KLHL1: variants seen among roughly 807,000 people sequenced by gnomAD.
KLHL1 encodes kelch like family member 1.
Under a neutral mutation model 77.7 loss-of-function variants are expected in KLHL1, and 47 were observed. That is an observed-to-expected ratio of 0.60 (90% CI 0.48 to 0.77). The LOEUF (loss-of-function observed/expected upper bound fraction) is 0.77. Among genes scored for constraint, KLHL1 ranks in the 30% least tolerant of loss-of-function variants. The pLI, the probability that KLHL1 is intolerant of heterozygous loss-of-function variation, is 0.00. For synonymous variants in KLHL1, 360 were observed against 325.2 expected, an observed-to-expected ratio of 1.11 and a Z score of -1.15; for missense variants, 925 against 910.8, an observed-to-expected ratio of 1.02 and a Z score of -0.20.
At chr13:69,827,785 T>C (rs940667516) in intron 6 of KLHL1, among the ~76,000 whole-genome samples, 6 of 148,402 alleles carry the variant, frequency 4.0e-5, no homozygotes, top group African/African-American at 1.5e-4. Context: ...ATTAACAGGT[T>C]AAATGTGAGC....
intron 4 of KLHL1, among the ~76,000 whole-genome samples, chr13:69,935,497 G>A (rs1883159022): frequency 6.6e-6 from 1 of 152,110 alleles, no homozygotes; most frequent in Middle Eastern, 3.2e-3. Context: ...TAAAAAAGGA[G>A]TGTAAGAGAA....
At chr13:69,970,413 T>C (rs1360900742) in intron 2 of KLHL1, among the ~76,000 whole-genome samples, 2 of 152,154 alleles carry the variant, frequency 1.3e-5, no homozygotes, top group African/African-American at 2.4e-5. Flanking sequence ...TTGTTTCCTA[T>C]ATCAAATATG....
chr13:69,710,275 A>C (rs879149842), intron 9 of KLHL1, among the ~76,000 whole-genome samples: 4 of 151,924 alleles, frequency 2.6e-5, no homozygotes, highest in African/African-American at 9.7e-5. Flanking sequence ...CTGCAATCAG[A>C]AATATATACA....
chr13:69,914,912 T>G (rs2138251401), intron 4 of KLHL1, among the ~76,000 whole-genome samples: 1 of 152,286 alleles, frequency 6.6e-6, no homozygotes, highest in Non-Finnish European at 1.5e-5. Context: ...GGTACTAACC[T>G]TAAGAGAAAG....
Position 69,849,258 on chromosome 13 carries a change from G to A in KLHL1, c.1228-10096C>T, listed in dbSNP as rs540926955. On this transcript the variant is annotated intron_variant, in intron 5 of 10. Coordinates refer to ENST00000377844, the MANE Select transcript of KLHL1 (RefSeq NM_020866.3). Reference sequence around the variant, plus strand: ...AACATCTTAATTCTTTCATGTTTAGGCTATATTTAAGAGTATACATTAGTT... The same window carrying A: ...AACATCTTAATTCTTTCATGTTTAGACTATATTTAAGAGTATACATTAGTT... 6.5e-4 allele frequency among the ~76,000 whole-genome samples: 98 copies of A among 151,474 alleles called. 3 individuals carry two copies. In the South Asian group the frequency reaches 8.1e-3, roughly 13 times the overall value.
At chr13:69,769,756 T>G (rs57740128) in intron 7 of KLHL1, among the ~76,000 whole-genome samples, 1,723 of 152,170 alleles carry the variant, frequency 0.011, 35 homozygotes, top group African/African-American at 0.039. Context: ...CTCCTTTTGT[T>G]GTTGAGAGCT....
intron 6 of KLHL1, among the ~76,000 whole-genome samples, chr13:69,811,447 C>T (rs1877876469): frequency 6.6e-6 from 1 of 151,340 alleles, no homozygotes; most frequent in South Asian, 2.1e-4. Context: ...GATAACAATC[C>T]TAAACAAACT....
chr13:69,995,390 T>C lies in KLHL1; in HGVS notation c.498-19588A>G, dbSNP rs572038039. Among the ~76,000 whole-genome samples, 10 of 152,274 alleles carry C rather than the reference T, an allele frequency of 6.6e-5. No homozygotes were observed. The South Asian group carries it at 1.9e-3, about 28-fold the overall frequency. On this transcript the variant is annotated intron_variant, in intron 1 of 10. Transcript: ENST00000377844. ...CTGAACAGTCCACTGAGTTATTACT[T>C]GGTCTATTTAATTAGAAAATGTATA...
At chr13:69,740,295 A>T in intron 8 of KLHL1, 99 bp downstream of exon 8, 1 of 854,770 alleles carries the variant, frequency 1.2e-6, no homozygotes, top group Non-Finnish European at 1.7e-6. Flanking sequence ...AAAATGTTTT[A>T]AAACAATTTT....
chr13:69,976,230 G>C (rs1593642390), intron 1 of KLHL1, among the ~76,000 whole-genome samples: 1 of 151,786 alleles, frequency 6.6e-6, no homozygotes, highest in African/African-American at 2.4e-5. Flanking sequence ...AGTAAATGTT[G>C]CCTTGCAGAA....
At chr13:69,818,176 C>A (rs1878194141) in intron 6 of KLHL1, among the ~76,000 whole-genome samples, 1 of 150,246 alleles carries the variant, frequency 6.7e-6, no homozygotes. Context: ...CAAACACTCA[C>A]AGGGGATGAC....
At chr13:69,897,797 C>T (rs1378657728) in intron 4 of KLHL1, among the ~76,000 whole-genome samples, 1 of 152,124 alleles carries the variant, frequency 6.6e-6, no homozygotes, top group East Asian at 1.9e-4. Context: ...CCCTGCAAGC[C>T]ACCCTGTTGT....
intron 1 of KLHL1, among the ~76,000 whole-genome samples, chr13:70,015,120 G>A (rs954633676): frequency 2.0e-5 from 3 of 152,062 alleles, no homozygotes; most frequent in African/African-American, 7.2e-5. Context: ...ATACACATAT[G>A]GTCATGTGCC....
intron 1 of KLHL1, among the ~76,000 whole-genome samples, chr13:69,986,656 G>A (rs529883031): frequency 6.6e-6 from 1 of 152,056 alleles, no homozygotes; most frequent in Non-Finnish European, 1.5e-5. Context: ...ATACGCTGAT[G>A]TTTGGTAAGA....
intron 8 of KLHL1, among the ~76,000 whole-genome samples, chr13:69,723,552 G>A (rs759432085): frequency 3.9e-5 from 6 of 152,024 alleles, no homozygotes; most frequent in Non-Finnish European, 8.8e-5. Flanking sequence ...GGCTCCCAAT[G>A]ATATGAATAG....
At chr13:69,800,516 C>A (rs1259229938) in intron 6 of KLHL1, among the ~76,000 whole-genome samples, 2 of 152,126 alleles carry the variant, frequency 1.3e-5, no homozygotes, top group Non-Finnish European at 2.9e-5. Context: ...CTAGCCAATA[C>A]AATTGATTTT....
chr13:69,885,230 G>A (rs1343314608), intron 4 of KLHL1, among the ~76,000 whole-genome samples: 3 of 136,804 alleles, frequency 2.2e-5, no homozygotes, highest in South Asian at 2.1e-4. Context: ...GTGAGCCACC[G>A]CGCCCGGCCC....
chr13:69,746,730 A>G (rs1874231318), intron 7 of KLHL1, among the ~76,000 whole-genome samples: 1 of 151,938 alleles, frequency 6.6e-6, no homozygotes, highest in Non-Finnish European at 1.5e-5. Flanking sequence ...TGAGTTTGTC[A>G]AACAGGTAGT....
intron 1 of KLHL1, among the ~76,000 whole-genome samples, chr13:70,078,364 A>C (rs550199632): frequency 6.6e-6 from 1 of 152,254 alleles, no homozygotes; most frequent in South Asian, 2.1e-4. Context: ...TACAAAATTA[A>C]TGATGTTCAA....
Sources: gnomAD v4.1 joint callset for allele counts (sites outside exome capture counted in the v4.1 genomes callset) on GRCh38, gnomAD v4.1.1 for gene constraint, MANE v1.5 for transcripts, NCBI Gene and HGNC (gene_info 2026-07-23, HGNC 2026-07-21) for gene names.